The following PTS variants were observed in gnomAD, a reference collection of about 807,000 sequenced individuals.
PTS encodes the protein 6-pyruvoyl tetrahydrobiopterin synthase.
PTS carries 23 observed loss-of-function variants against 20.6 expected under a neutral mutation model. The observed-to-expected ratio is 1.12, with a 90% CI of 0.80 to 1.58. The LOEUF (loss-of-function observed/expected upper bound fraction) is 1.58, where lower values mean the gene tolerates loss of function less well. PTS is among the 40% of genes most tolerant of loss of function. The pLI is 0.00. For missense variants in PTS, 186 were observed against 182.4 expected (o/e 1.02, Z -0.11); for synonymous variants, 65 against 62.5 (o/e 1.04, Z -0.19).
At position 112,228,630 on chromosome 11, in the gene PTS, T is replaced by A; in HGVS notation, c.120T>A (p.Phe40Leu). 6.2e-7 allele frequency: 1 copy of A among 1,612,036 alleles called. No individual in the cohort carries two copies. Among genetic ancestry groups the A allele is most frequent in the Admixed American group, 1.7e-5 (1 of 59,996 alleles). The change falls in exon 2 of 6, where the codon TTT becomes TTA. Residue 40 changes from phenylalanine (F) to leucine (L), a missense_variant. Physicochemically the swap from Phe to Leu is conservative, Grantham distance 22. Coordinates refer to ENST00000280362, the MANE Select transcript of PTS (RefSeq NM_000317.3). ...FLSDEENLKL[F>L]GKCNNPNGHG... ...GTGATGAAGAAAACTTGAAACTGTT[T>A]GGGAAATGCAACAATCCAAATGGCC... is the stretch of plus-strand genomic sequence containing the variant.
intron 3 of PTS, 92 bp from the exon 4 acceptor site, chr11:112,230,534 A>G: frequency 8.7e-7 from 1 of 1,148,346 alleles, no homozygotes; most frequent in Admixed American, 1.7e-5. Flanking sequence ...ATGTGGGCAC[A>G]GTCTCTGCAC....
intron 5 of PTS, 67 bp downstream of exon 5, chr11:112,233,300 T>C: frequency 6.4e-7 from 1 of 1,561,710 alleles, no homozygotes. Context: ...ACTTTGATTG[T>C]TGTGTGATTT....
Position 112,226,490 on chromosome 11 carries a change from G to A in PTS, c.47G>A (p.Arg16His), listed in dbSNP as rs1222623614. Residue 16 changes from arginine (R) to histidine (H), a missense_variant, in exon 1 of 6, where the codon CGC (arginine) becomes CAC (histidine). By Grantham distance (29) the Arg-to-His change is conservative. Coordinates refer to ENST00000280362, the MANE Select transcript of PTS (RefSeq NM_000317.3). ...CGTCGCTGCCAGGCACAAGTGTCCCGCCGCATCTCCTTCAGCGCGAGCCAC... is the reference window on the plus strand; with the variant it reads ...CGTCGCTGCCAGGCACAAGTGTCCCACCGCATCTCCTTCAGCGCGAGCCAC... ...GGRRCQAQVS[R>H]RISFSASHRL... 3.2e-6 allele frequency: 5 copies of A among 1,586,550 alleles called. No individual in the cohort carries two copies. The highest frequency in any genetic ancestry group is 4.3e-6 in the Non-Finnish European group (5 of 1,169,000).
At chr11:112,230,555 C>T in intron 3 of PTS, 71 bp from the exon 4 acceptor site, 1 of 1,337,146 alleles carries the variant, frequency 7.5e-7, no homozygotes, top group East Asian at 2.3e-5. Context: ...ATTGTACTGC[C>T]TTTAATAATT....
rs534929240 is a variant in PTS, at chr11:112,229,179, A to G, written c.163+506A>G. The G allele has an allele frequency of 5.4e-5, 9 of 165,720 alleles. No homozygotes were observed. The South Asian group carries it at 1.2e-3, about 23-fold the overall frequency. The allele number at this position is 165,720 out of a possible 1,614,324, so 10.3% of individuals were successfully genotyped here. A position where few individuals can be genotyped will look rare whatever the true frequency, so the allele number is the denominator to read the frequency against. On this transcript the variant is annotated intron_variant, in intron 2 of 5. Transcript: ENST00000280362. ...AAAACAGGTACATAAGTCGTAGAGT[A>G]TAAAACAGTATGTGGTGTGGTGGCA...
rs944112740 is a variant in PTS, at chr11:112,226,731, G to T, written c.83+205G>T. Among the ~76,000 whole-genome samples the T allele has an allele frequency of 5.3e-5, 8 of 151,926 alleles. No individual in the cohort carries two copies. The East Asian group carries it at 1.2e-3, about 22-fold the overall frequency. ...GGAGTGTCCCCAGCCCTGGAGGGGTGGGGGAGCTTGATGGTTAACGGAGCC... is the reference window on the plus strand; with the variant it reads ...GGAGTGTCCCCAGCCCTGGAGGGGTTGGGGAGCTTGATGGTTAACGGAGCC... On this transcript the variant is annotated intron_variant, in intron 1 of 5. Transcript: ENST00000280362.
intron 1 of PTS, among the ~76,000 whole-genome samples, chr11:112,227,362 T>C (rs896016209): frequency 6.6e-5 from 10 of 152,104 alleles, no homozygotes; most frequent in African/African-American, 2.4e-4. Context: ...ATCTGGCCTA[T>C]TTTGTGGAGG....
chr11:112,230,409 T>C lies in PTS; in HGVS notation c.186+179T>C, dbSNP rs1013696056. On this transcript the variant is annotated intron_variant, in intron 3 of 5. Coordinates refer to ENST00000280362, the MANE Select transcript of PTS (RefSeq NM_000317.3). Reference sequence around the variant, plus strand: ...CTCTCCTCTACCAAAGTGTTGTCTTTAATATGCTGTATGTGGACAGGTAGA... The same window carrying C: ...CTCTCCTCTACCAAAGTGTTGTCTTCAATATGCTGTATGTGGACAGGTAGA... The C allele has an allele frequency of 3.5e-6, 3 of 851,080 alleles. No homozygotes were observed. The African/African-American group carries it at 5.0e-5, about 14-fold the overall frequency. 52.7% of individuals were successfully genotyped at this position (851,080 alleles called of 1,614,324 possible). A position where few individuals can be genotyped will look rare whatever the true frequency, so the allele number is the denominator to read the frequency against.
In PTS at chr11:112,228,589, G is replaced by C. The variant is rs61900919; in HGVS notation, c.84-5G>C. On this transcript the variant is annotated splice_region_variant and splice_polypyrimidine_tract_variant and intron_variant, in intron 1 of 5. Transcript: ENST00000280362. The stretch of plus-strand genomic sequence containing the variant: ...ATGCTGACTTTTTTTTTTTTTTTTG[G>C]TCAGTAAATTTCTAAGTGATGAAGA... 2.6e-6 allele frequency: 4 copies of C among 1,526,710 alleles called. No homozygotes were observed. Among genetic ancestry groups the C allele is most frequent in the Non-Finnish European group, 3.5e-6 (4 of 1,146,898 alleles). 94.6% of individuals were successfully genotyped at this position (1,526,710 alleles called of 1,614,324 possible).
intron 2 of PTS, chr11:112,228,939 A>G (rs183953417): frequency 1.4e-4 from 67 of 464,674 alleles, no homozygotes; most frequent in African/African-American, 1.3e-3. Flanking sequence ...GTACACAACA[A>G]GTTTCTTTCT....
intron 1 of PTS, among the ~76,000 whole-genome samples, chr11:112,227,940 A>G (rs1859886630): frequency 6.6e-6 from 1 of 152,260 alleles, no homozygotes; most frequent in Non-Finnish European, 1.5e-5. Flanking sequence ...AAGGTCTCAT[A>G]GACGATGCGA....
intron 4 of PTS, among the ~76,000 whole-genome samples, chr11:112,232,452 T>G (rs1380306068): frequency 6.6e-6 from 1 of 152,216 alleles, no homozygotes; most frequent in Non-Finnish European, 1.5e-5. Context: ...TGATTGCTGT[T>G]ACTGTTATTA....
At position 112,226,515 on chromosome 11, in the gene PTS, C is replaced by T. The variant is rs770588896; in HGVS notation, c.72C>T (p.His24=). ...GCCGCATCTCCTTCAGCGCGAGCCA[C>T]CGATTGTACAGGTAGGGTGTGCACA... is the stretch of plus-strand genomic sequence containing the variant. ...VSRRISFSAS[H]RLYSKFLSDE... is the part of the protein sequence containing the mutation. Residue 24 remains histidine (H), a synonymous_variant, in exon 1 of 6, where the codon CAC becomes CAT. Coordinates refer to ENST00000280362, the MANE Select transcript of PTS (RefSeq NM_000317.3). 1 of 1,583,530 alleles carries T rather than the reference C, an allele frequency of 6.3e-7. No homozygotes were observed. Among genetic ancestry groups the T allele is most frequent in the Non-Finnish European group, 8.6e-7 (1 of 1,167,168 alleles).
chr11:112,226,432 A>T lies in PTS; in HGVS notation c.-12A>T. The T allele has an allele frequency of 6.4e-7, 1 of 1,573,020 alleles. No homozygotes were observed. The highest frequency in any genetic ancestry group is 8.6e-7 in the Non-Finnish European group (1 of 1,160,844). ...GAGGTGCCGGCCGAGCACCGCAGAC[A>T]GCGCCGGGAAGATGAGCACGGAAGG... On this transcript the variant is annotated 5_prime_UTR_variant, in exon 1 of 6. Coordinates refer to ENST00000280362, the MANE Select transcript of PTS (RefSeq NM_000317.3).
intron 1 of PTS, 89 bp downstream of exon 1, chr11:112,226,615 G>T: frequency 8.7e-7 from 1 of 1,155,920 alleles, no homozygotes; most frequent in Non-Finnish European, 1.1e-6. Flanking sequence ...TGCTGACGTC[G>T]GGCCCGGGAG....
chr11:112,230,143 T>A, intron 2 of PTS, 65 bp from the exon 3 acceptor site: 1 of 1,478,410 alleles, frequency 6.8e-7, no homozygotes, highest in Non-Finnish European at 9.5e-7. Flanking sequence ...GTTGCTAACT[T>A]GTGCTTGGAT....
At position 112,230,239 on chromosome 11, in the gene PTS, A is replaced by G. The variant is rs202139885; in HGVS notation, c.186+9A>G. 28 of 1,613,240 alleles carry G rather than the reference A, an allele frequency of 1.7e-5. No homozygotes were observed. The East Asian group carries it at 5.3e-4, about 31-fold the overall frequency. On this transcript the variant is annotated intron_variant, in intron 3 of 5. Coordinates refer to ENST00000280362, the MANE Select transcript of PTS (RefSeq NM_000317.3). ...TGACAGTACATGGAGAGGTATGTGC[A>G]GAAAATATTTGTGTGGTTTTTGCAG...
Position 112,233,208 on chromosome 11 carries a change from G to A in PTS, c.289G>A (p.Val97Met), listed in dbSNP as rs750455879. Residue 97 changes from valine to methionine, a missense_variant, in exon 5 of 6, where the codon GTG (valine) becomes ATG (methionine). Coordinates refer to ENST00000280362, the MANE Select transcript of PTS (RefSeq NM_000317.3). ...TGATCATAAGAATCTGGATATGGAT[G>A]TGCCATACTTTGCAGATGTGGTGAG... ...PLDHKNLDMD[V>M]PYFADVVSTT... 3.7e-6 allele frequency: 6 copies of A among 1,613,984 alleles called. No homozygotes were observed.
intron 4 of PTS, among the ~76,000 whole-genome samples, chr11:112,232,002 A>G (rs1446281801): frequency 6.6e-6 from 1 of 152,180 alleles, no homozygotes; most frequent in Non-Finnish European, 1.5e-5. Flanking sequence ...AGACAGCAAC[A>G]TAAAAGGCCT....
Sources: allele counts gnomAD v4.1 joint callset (sites outside exome capture counted in the v4.1 genomes callset), GRCh38; gene constraint gnomAD v4.1.1; transcripts MANE v1.5; gene names NCBI Gene and HGNC (gene_info 2026-07-23, HGNC 2026-07-21).